Variants in SV2C observed in about 807,000 individuals in gnomAD.
SV2C encodes synaptic vesicle glycoprotein 2C.
In SV2C, 49 loss-of-function variants were observed where a neutral mutation model predicts 79.7. The ratio of observed to expected loss-of-function variants is 0.61; its 90% confidence interval spans 0.49 to 0.78. The LOEUF (loss-of-function observed/expected upper bound fraction) is 0.78. SV2C is among the 30% of genes least tolerant of loss of function. The pLI, the probability that SV2C is intolerant of heterozygous loss-of-function variation, is 0.00. For synonymous variants in SV2C, 334 were observed against 333.2 expected, an observed-to-expected ratio of 1.00 and a Z score of -0.03; for missense variants, 833 against 912.9, an observed-to-expected ratio of 0.91 and a Z score of 1.13.
the SV2C span, chr5:75,921,260 A>G: frequency 2.7e-6 from 4 of 1,464,416 alleles, no homozygotes; most frequent in South Asian, 1.2e-5. Flanking sequence ...GAGGATCTGC[A>G]GGTCCTCCAG....
chr5:76,045,408 T>C, the SV2C span, among the ~76,000 whole-genome samples: 1 of 152,332 alleles, frequency 6.6e-6, no homozygotes, highest in East Asian at 1.9e-4. Context: ...TCTTTTTGGG[T>C]TTCATATGAA....
At chr5:76,033,608 T>C in the SV2C span, among the ~76,000 whole-genome samples, 2 of 152,208 alleles carry the variant, frequency 1.3e-5, no homozygotes, top group South Asian at 4.1e-4. Context: ...TTGATCTATA[T>C]CTCTGTTTTG....
chr5:76,007,596 G>A, the SV2C span, among the ~76,000 whole-genome samples: 38,901 of 151,826 alleles, frequency 0.26, 5,710 homozygotes, highest in East Asian at 0.47. Context: ...ACTTCGTCAG[G>A]GTAAGTTAGT....
intron 4 of SV2C, among the ~76,000 whole-genome samples, chr5:76,251,839 A>G (rs371936202): frequency 5.3e-5 from 8 of 152,188 alleles, no homozygotes; most frequent in Non-Finnish European, 8.8e-5. Flanking sequence ...ACTTATGTAC[A>G]TGACCACTTA....
chr5:76,171,078 G>C, intron 2 of SV2C: 1 of 106,056 alleles, frequency 9.4e-6, no homozygotes. Context: ...GAGCGGACGG[G>C]CCCCGCGGGG....
the SV2C span, among the ~76,000 whole-genome samples, chr5:75,925,297 T>C: frequency 1.8e-3 from 281 of 152,310 alleles, no homozygotes; most frequent in Non-Finnish European, 3.4e-3. Flanking sequence ...AGAATCCCTC[T>C]CTTAGTTTTG....
At chr5:75,908,306 T>C in the SV2C span, among the ~76,000 whole-genome samples, 1 of 152,214 alleles carries the variant, frequency 6.6e-6, no homozygotes, top group African/African-American at 2.4e-5. Flanking sequence ...TGTCACACAT[T>C]ATGTATCTTA....
chr5:75,930,616 T>C, the SV2C span, among the ~76,000 whole-genome samples: 5 of 152,278 alleles, frequency 3.3e-5, no homozygotes, highest in South Asian at 1.0e-3. Context: ...TTCACTGACC[T>C]TTATGAAAAA....
the SV2C span, among the ~76,000 whole-genome samples, chr5:75,870,740 G>A: frequency 1.3e-5 from 2 of 152,102 alleles, no homozygotes; most frequent in African/African-American, 2.4e-5. Flanking sequence ...AAATGGTCAA[G>A]GATAAAGTAA....
the SV2C span, among the ~76,000 whole-genome samples, chr5:75,849,611 CTA>C: frequency 4.6e-5 from 7 of 152,196 alleles, no homozygotes; most frequent in African/African-American, 1.7e-4. Flanking sequence ...TTTCTATCAT[CTA>C]TCTTATGCAA....
intron 4 of SV2C, among the ~76,000 whole-genome samples, chr5:76,249,200 A>G (rs1359201844): frequency 6.6e-6 from 1 of 152,220 alleles, no homozygotes; most frequent in Admixed American, 6.5e-5. Context: ...GTTCTCCAAG[A>G]GCTGCTTCTA....
chr5:76,143,264 G>A (rs1179785695), intron 2 of SV2C, among the ~76,000 whole-genome samples: 3 of 151,984 alleles, frequency 2.0e-5, no homozygotes, highest in Non-Finnish European at 4.4e-5. Context: ...TGTGCCCAGG[G>A]GAAAACATTA....
chr5:76,061,248 T>C, the SV2C span, among the ~76,000 whole-genome samples: 2 of 131,310 alleles, frequency 1.5e-5, no homozygotes, highest in Non-Finnish European at 3.0e-5. Context: ...GATGCAAGGT[T>C]GCCACAAACC....
At chr5:76,037,073 C>T in the SV2C span, among the ~76,000 whole-genome samples, 63,412 of 152,022 alleles carry the variant, frequency 0.42, 15,276 homozygotes, top group Middle Eastern at 0.58. Flanking sequence ...ATGTAGTTCT[C>T]GAGCCTTGGT....
At chr5:75,910,983 T>A in the SV2C span, 1 of 933,354 alleles carries the variant, frequency 1.1e-6, no homozygotes, top group African/African-American at 1.6e-5. Context: ...CGAACATCTA[T>A]GGCCTCCAGT....
chr5:76,094,596 T>C (rs144210897), intron 1 of SV2C, among the ~76,000 whole-genome samples: 20 of 152,292 alleles, frequency 1.3e-4, no homozygotes, highest in East Asian at 1.9e-4. Context: ...TGTTTCCACA[T>C]TGGAGCTATT....
the SV2C span, among the ~76,000 whole-genome samples, chr5:76,008,716 C>T: frequency 6.6e-6 from 1 of 152,148 alleles, no homozygotes. Flanking sequence ...CGAGGCAAGA[C>T]ATTCCCAATC....
the SV2C span, chr5:75,921,398 T>G: frequency 2.4e-6 from 2 of 832,998 alleles, no homozygotes; most frequent in East Asian, 4.8e-5. Context: ...TGGGTCAAAC[T>G]GCGCTTGGGG....
chr5:75,947,286 C>G, the SV2C span, among the ~76,000 whole-genome samples: 4,145 of 151,982 alleles, frequency 0.027, 165 homozygotes, highest in African/African-American at 0.092. Flanking sequence ...AAAAGAGAAG[C>G]CTCCAAATTA....
Sources: gnomAD v4.1 joint callset for allele counts (sites outside exome capture counted in the v4.1 genomes callset) on GRCh38, gnomAD v4.1.1 for gene constraint, MANE v1.5 for transcripts, NCBI Gene and HGNC (gene_info 2026-07-23, HGNC 2026-07-21) for gene names.